The following PGAP3 variants were observed in gnomAD, a reference collection of about 807,000 sequenced individuals.
PGAP3 encodes the protein GPI-specific phospholipase A2-like PGAP3.
A neutral mutation model predicts 40.3 loss-of-function variants in PGAP3; 31 were observed. The ratio of observed to expected loss-of-function variants is 0.77; its 90% confidence interval spans 0.58 to 1.04. The LOEUF (loss-of-function observed/expected upper bound fraction) is 1.04, where lower values mean the gene tolerates loss of function less well. Ranked by LOEUF, PGAP3 falls within the 50% of genes least tolerant of loss-of-function variation. The pLI, the probability that PGAP3 is intolerant of heterozygous loss-of-function variation, is 0.00. For missense variants in PGAP3, 413 were observed against 423.0 expected (o/e 0.98, Z 0.21); for synonymous variants, 191 against 184.5 (o/e 1.04, Z -0.29).
At position 39,684,637 on chromosome 17, in the gene PGAP3, G is replaced by T; in HGVS notation, c.392C>A (p.Ala131Asp). 6.2e-7 allele frequency: 1 copy of T among 1,614,084 alleles called. No individual in the cohort carries two copies. The highest frequency in any genetic ancestry group is 1.3e-5 in the African/African-American group (1 of 75,058). Residue 131 changes from alanine (A) to aspartate (D), a missense_variant, in exon 3 of 8, where the codon GCC becomes GAC. By Grantham distance (126) the Ala-to-Asp change is moderately radical. Transcript: ENST00000300658. ...ACAGGTGTGGTACATGGGGGAGGAGGCTGGCACGAAGGTGCGGTAGCGGCA... is the reference window on the plus strand; with the variant it reads ...ACAGGTGTGGTACATGGGGGAGGAGTCTGGCACGAAGGTGCGGTAGCGGCA... ...MLCRYRTFVP[A>D]SSPMYHTCVA...
At chr17:39,686,458 G>A (rs1224264452) in intron 1 of PGAP3, among the ~76,000 whole-genome samples, 2 of 151,102 alleles carry the variant, frequency 1.3e-5, no homozygotes, top group Non-Finnish European at 2.9e-5. Flanking sequence ...GTTTCTCCAT[G>A]TTGGTCAGGG....
chr17:39,674,028 A>C lies in PGAP3; in HGVS notation c.522T>G (p.Thr174=). Residue 174 remains threonine, a synonymous_variant, in exon 5 of 8, where the codon ACT becomes ACG. Transcript: ENST00000300658. ...ACAGGTAGATTGAGTGTAGGATGAC[A>C]GTGGAGGCACAGAAGTAGTCCATTT... is the stretch of plus-strand genomic sequence containing the variant. The part of the protein sequence containing the change: ...TEKMDYFCAS[T]VILHSIYLCC... 2 of 1,614,078 alleles carry C rather than the reference A, an allele frequency of 1.2e-6. No individual in the cohort carries two copies. The highest frequency in any genetic ancestry group is 8.5e-7 in the Non-Finnish European group (1 of 1,179,954).
chr17:39,674,342 G>A (rs931353447), intron 4 of PGAP3, among the ~76,000 whole-genome samples: 12 of 152,162 alleles, frequency 7.9e-5, no homozygotes, highest in African/African-American at 2.9e-4. Context: ...ATGGGGTCAC[G>A]TCCTGTGGCA....
chr17:39,686,641 C>T (rs2057536626), intron 1 of PGAP3, among the ~76,000 whole-genome samples: 1 of 150,332 alleles, frequency 6.7e-6, no homozygotes, highest in Admixed American at 6.7e-5. Flanking sequence ...CTCACCACAG[C>T]CTTGACCTCC....
intron 3 of PGAP3, among the ~76,000 whole-genome samples, chr17:39,677,154 A>T (rs780903615): frequency 6.6e-6 from 1 of 152,176 alleles, no homozygotes; most frequent in Non-Finnish European, 1.5e-5. Flanking sequence ...GTTCATAATG[A>T]TGCTCACTGC....
chr17:39,672,880 G>C lies in PGAP3; in HGVS notation c.900-14C>G. ...TCTTCCAGAAAGCTGTGGGCCAAAG[G>C]AGTAGCCCATTGAGGCACACAGCTC... On this transcript the variant is annotated splice_polypyrimidine_tract_variant and intron_variant, in intron 7 of 7. Transcript: ENST00000300658. The C allele has an allele frequency of 6.2e-7, 1 of 1,613,444 alleles. No individual in the cohort carries two copies. The highest frequency in any genetic ancestry group is 8.5e-7 in the Non-Finnish European group (1 of 1,179,486).
At chr17:39,675,502 C>T (rs1032303425) in intron 3 of PGAP3, among the ~76,000 whole-genome samples, 2 of 152,152 alleles carry the variant, frequency 1.3e-5, no homozygotes, top group African/African-American at 4.8e-5. Flanking sequence ...GCTGGGAAAT[C>T]GTGACAACCA....
chr17:39,679,654 C>G (rs1015950602), intron 3 of PGAP3, among the ~76,000 whole-genome samples: 1 of 152,166 alleles, frequency 6.6e-6, no homozygotes, highest in African/African-American at 2.4e-5. Context: ...TGCTTCGCTC[C>G]AAGAGGCCTA....
rs923830044 is a variant in PGAP3 at position 39,672,667 on chromosome 17, A to G, written c.*136T>C. The stretch of plus-strand genomic sequence containing the variant: ...GGCCAACAGGGGGTGGGCTGGCCAC[A>G]TGATTCTGGGCCCACATCCTTCATG... On this transcript the variant is annotated 3_prime_UTR_variant, in exon 8 of 8. Transcript: ENST00000300658. 17 of 931,518 alleles carry G rather than the reference A, an allele frequency of 1.8e-5. No individual in the cohort carries two copies. The highest frequency in any genetic ancestry group is 6.5e-5 in the African/African-American group (4 of 61,882). 57.7% of individuals were successfully genotyped at this position (931,518 alleles called of 1,614,324 possible).
At chr17:39,686,491 G>A (rs536286459) in intron 1 of PGAP3, among the ~76,000 whole-genome samples, 2 of 151,672 alleles carry the variant, frequency 1.3e-5, no homozygotes, top group South Asian at 4.2e-4. Context: ...CCCAACCTCA[G>A]GTTATCTGCC....
chr17:39,685,302 C>G (rs1337605306), intron 2 of PGAP3, among the ~76,000 whole-genome samples: 1 of 149,556 alleles, frequency 6.7e-6, no homozygotes, highest in African/African-American at 2.5e-5. Flanking sequence ...ATGGTGAAAC[C>G]CCATCTCTAC....
intron 3 of PGAP3, among the ~76,000 whole-genome samples, chr17:39,677,670 C>T (rs986124292): frequency 6.6e-5 from 10 of 151,874 alleles, no homozygotes; most frequent in African/African-American, 1.9e-4. Context: ...CAGAGCTTTG[C>T]GTAAACACTG....
intron 4 of PGAP3, 61 bp from the exon 5 acceptor site, chr17:39,674,115 G>C (rs1476025842): frequency 6.5e-7 from 1 of 1,544,644 alleles, no homozygotes; most frequent in Non-Finnish European, 8.9e-7. Context: ...GACCCGCGGG[G>C]ATGGGGGCAT....
intron 5 of PGAP3, 77 bp downstream of exon 5, chr17:39,673,916 C>T: frequency 1.4e-5 from 21 of 1,512,932 alleles, no homozygotes; most frequent in Non-Finnish European, 1.8e-5. Context: ...TGAAGAAGGC[C>T]CCCAGGGGAA....
At chr17:39,676,079 T>G (rs2057371960) in intron 3 of PGAP3, among the ~76,000 whole-genome samples, 1 of 152,202 alleles carries the variant, frequency 6.6e-6, no homozygotes, top group Non-Finnish European at 1.5e-5. Flanking sequence ...TCTGCCCTGC[T>G]GCAGCCCCCT....
chr17:39,681,804 G>C (rs934251749), intron 3 of PGAP3, among the ~76,000 whole-genome samples: 4 of 151,928 alleles, frequency 2.6e-5, no homozygotes, highest in Non-Finnish European at 4.4e-5. Flanking sequence ...CACCGCACTT[G>C]ATCTTCAAAC....
At chr17:39,685,314 T>TA (rs34291948) in intron 2 of PGAP3, among the ~76,000 whole-genome samples, 2,445 of 125,246 alleles carry the variant, frequency 0.02, 59 homozygotes, top group African/African-American at 0.057. Context: ...CATCTCTACT[T>TA]AAAAAAAAAA....
intron 3 of PGAP3, among the ~76,000 whole-genome samples, chr17:39,684,153 A>G (rs1161841135): frequency 2.6e-5 from 3 of 116,570 alleles, no homozygotes; most frequent in Non-Finnish European, 5.6e-5. Context: ...AAAAAAAAAA[A>G]GACTAGGCTG....
intron 3 of PGAP3, among the ~76,000 whole-genome samples, chr17:39,678,598 C>T (rs2057403143): frequency 1.3e-5 from 2 of 152,202 alleles, no homozygotes; most frequent in South Asian, 4.1e-4. Flanking sequence ...TACCCTTCCC[C>T]CAAGACTTAG....
Sources: gnomAD v4.1 joint callset for allele counts (sites outside exome capture counted in the v4.1 genomes callset) on GRCh38, gnomAD v4.1.1 for gene constraint, MANE v1.5 for transcripts, NCBI Gene and HGNC (gene_info 2026-07-23, HGNC 2026-07-21) for gene names.